Variants in IKBKB observed in about 807,000 individuals in gnomAD.
IKBKB encodes inhibitor of nuclear factor kappa B kinase subunit beta.
Under a neutral mutation model 113.6 loss-of-function variants are expected in IKBKB, and 42 were observed. The ratio of observed to expected loss-of-function variants is 0.37; its 90% CI spans 0.29 to 0.48. The LOEUF (loss-of-function observed/expected upper bound fraction) is 0.48. IKBKB is among the 20% of genes least tolerant of loss of function. The pLI, the probability that IKBKB is intolerant of heterozygous loss-of-function variation, is 0.99. For missense variants in IKBKB, 673 were observed against 939.7 expected, an observed-to-expected ratio of 0.72 and a Z score of 3.71; for synonymous variants, 296 against 361.3, an observed-to-expected ratio of 0.82 and a Z score of 2.05.
intron 2 of IKBKB, among the ~76,000 whole-genome samples, chr8:42,287,541 T>C (rs1811668619): frequency 6.6e-6 from 1 of 152,202 alleles, no homozygotes; most frequent in South Asian, 2.1e-4. Context: ...CGTCTGGCTG[T>C]AGTGTCGTGG....
rs397767670 is a variant in IKBKB at position 42,327,330 on chromosome 8, C to CTTTTT, written c.2114+1250_2114+1254dup. 1.8e-4 allele frequency among the ~76,000 whole-genome samples: 19 copies of CTTTTT among 105,402 alleles called. 1 individual carries two copies. The highest frequency in any genetic ancestry group is 3.5e-4 in the South Asian group (1 of 2,888). 69.1% of individuals were successfully genotyped at this position (105,402 alleles called of 152,430 possible). A position where few individuals can be genotyped will look rare whatever the true frequency, so the allele number is the denominator to read the frequency against. ...ATGGTGAGACTGTCTCTCTCTCTCT[C>CTTTTT]TTTTTTTTTTTTTTTTTTTTTGAGA... On this transcript the variant is annotated intron_variant, in intron 20 of 21. Transcript: ENST00000520810.
chr8:42,272,783 C>T lies in IKBKB; in HGVS notation c.105+578C>T, dbSNP rs190122542. 4.6e-5 allele frequency among the ~76,000 whole-genome samples: 7 copies of T among 151,750 alleles called. 1 individual carries two copies. The highest frequency in any genetic ancestry group is 1.7e-4 in the African/African-American group (7 of 41,382). ...TGAAACCCCATCTCTACTAAAAATACAAAGAATTAGCCAGGCTTGGTGGCA... is the reference window on the plus strand; with the variant it reads ...TGAAACCCCATCTCTACTAAAAATATAAAGAATTAGCCAGGCTTGGTGGCA... On this transcript the variant is annotated intron_variant, in intron 2 of 21. Transcript: ENST00000520810.
At chr8:42,324,640 G>A (rs1213906649) in intron 19 of IKBKB, 1 of 152,416 alleles carries the variant, frequency 6.6e-6, no homozygotes, top group Non-Finnish European at 1.5e-5. Context: ...TGAGTGTAGG[G>A]ATATGATCAC....
At chr8:42,290,793 C>A (rs188401919) in intron 4 of IKBKB, among the ~76,000 whole-genome samples, 43 of 152,284 alleles carry the variant, frequency 2.8e-4, no homozygotes, top group African/African-American at 6.3e-4. Context: ...ATCCACCTGA[C>A]CCACCTGGAC....
chr8:42,289,970 G>A (rs990139799), intron 3 of IKBKB, among the ~76,000 whole-genome samples, 186 bp from the exon 4 acceptor site: 1 of 152,202 alleles, frequency 6.6e-6, no homozygotes, highest in Non-Finnish European at 1.5e-5. Context: ...TTCTGGTGCT[G>A]TGAGTGGGGC....
intron 15 of IKBKB, 69 bp from the exon 16 acceptor site, chr8:42,320,666 C>A: frequency 7.7e-7 from 1 of 1,296,120 alleles, no homozygotes; most frequent in Non-Finnish European, 1.1e-6. Flanking sequence ...TGGTCTCGCT[C>A]CCCCGCAGAT....
chr8:42,309,336 C>G, intron 8 of IKBKB: 1 of 417,426 alleles, frequency 2.4e-6, no homozygotes, highest in South Asian at 2.4e-5. Flanking sequence ...CGCACTTACA[C>G]TGAGAATGCT....
Position 42,329,194 on chromosome 8 carries a change from G to A in IKBKB, c.2185G>A (p.Glu729Lys). 6.3e-7 allele frequency: 1 copy of A among 1,595,390 alleles called. No homozygotes were observed. The highest frequency in any genetic ancestry group is 8.5e-7 in the Non-Finnish European group (1 of 1,173,344). The change falls in exon 21 of 22, where the codon GAA (glutamate) becomes AAA (lysine). Residue 729 changes from glutamate to lysine, a missense_variant. Around this residue, in one of 2 missense-constraint regions of IKBKB, gnomAD observed 506 missense variants for 638.7 expected, o/e 0.79. Coordinates refer to ENST00000520810, the MANE Select transcript of IKBKB (RefSeq NM_001556.3). ...AAATGCCATACAGGACACTGTGAGG[G>A]AACAAGACCAGAGTTTCACGGTAAC... is the stretch of plus-strand genomic sequence containing the variant. Reference protein sequence around the residue: ...LENAIQDTVREQDQSFTALDW... With the variant: ...LENAIQDTVRKQDQSFTALDW...
rs576143410 is a variant in IKBKB, at chr8:42,321,796, C to G, written c.1689-100C>G. On this transcript the variant is annotated intron_variant, in intron 16 of 21. Transcript: ENST00000520810. ...GCTTGTGAGCCCAGAAGTTCGAGAC[C>G]AGCCTGGGCAACATGGTGAAACTCT... 1.1e-5 allele frequency: 9 copies of G among 802,086 alleles called. No individual in the cohort carries two copies. In the East Asian group the frequency reaches 2.4e-4, roughly 21 times the overall value. The allele number at this position is 802,086 out of a possible 1,614,324, so 49.7% of individuals were successfully genotyped here.
chr8:42,285,555 TA>T (rs1811257146), intron 2 of IKBKB, among the ~76,000 whole-genome samples: 1 of 152,110 alleles, frequency 6.6e-6, no homozygotes, highest in Admixed American at 6.5e-5. Flanking sequence ...ACCCTGTCTC[TA>T]AAAAGAAAAA....
rs200336151 is a variant in IKBKB at position 42,272,079 on chromosome 8, A to G, written c.-18-4A>G. 1,463 of 1,611,252 alleles carry G rather than the reference A, an allele frequency of 9.1e-4. 1 individual carries two copies. Among genetic ancestry groups the G allele is most frequent in the Non-Finnish European group, 1.1e-3 (1,327 of 1,178,474 alleles). ...CTTTTTTCCCCATCCCAAATTGCTT[A>G]TAGAGTTAGCACGACATCAGTATGA... On this transcript the variant is annotated splice_region_variant and splice_polypyrimidine_tract_variant and intron_variant, in intron 1 of 21. Coordinates refer to ENST00000520810, the MANE Select transcript of IKBKB (RefSeq NM_001556.3).
At chr8:42,290,123 T>C (rs1812292197) in intron 3 of IKBKB, 33 bp from the exon 4 acceptor site, 3 of 1,500,468 alleles carry the variant, frequency 2.0e-6, no homozygotes, top group Non-Finnish European at 2.8e-6. Context: ...GGCAGGAGCC[T>C]GGGTCTGCTC....
intron 13 of IKBKB, 64 bp from the exon 14 acceptor site, chr8:42,319,206 T>C (rs1213875680): frequency 1.1e-5 from 16 of 1,483,504 alleles, no homozygotes; most frequent in African/African-American, 2.8e-5. Context: ...GGTTTTGTTA[T>C]TGTACAGGAA....
At position 42,331,144 on chromosome 8, in the gene IKBKB, G is replaced by A. The variant is rs976221260; in HGVS notation, c.*165G>A. 10 of 1,024,720 alleles carry A rather than the reference G, an allele frequency of 9.8e-6. No homozygotes were observed. The highest frequency in any genetic ancestry group is 1.2e-5 in the Non-Finnish European group (8 of 683,064). 63.5% of individuals were successfully genotyped at this position (1,024,720 alleles called of 1,614,324 possible). A position where few individuals can be genotyped will look rare whatever the true frequency, so the allele number is the denominator to read the frequency against. On this transcript the variant is annotated 3_prime_UTR_variant, in exon 22 of 22. Coordinates refer to ENST00000520810, the MANE Select transcript of IKBKB (RefSeq NM_001556.3). ...TTCCTGCTGCACTGATGGCCCAGGGGTCTCTGGTATCCAGATGGAGCTCTC... is the reference window on the plus strand; with the variant it reads ...TTCCTGCTGCACTGATGGCCCAGGGATCTCTGGTATCCAGATGGAGCTCTC...
chr8:42,324,419 C>T (rs1271560120), intron 19 of IKBKB, among the ~76,000 whole-genome samples: 2 of 152,128 alleles, frequency 1.3e-5, no homozygotes, highest in South Asian at 2.1e-4. Flanking sequence ...CTCATGCCCC[C>T]ACACCTGGCT....
intron 2 of IKBKB, among the ~76,000 whole-genome samples, chr8:42,287,875 T>G (rs1811733803): frequency 6.6e-6 from 1 of 152,170 alleles, no homozygotes; most frequent in Admixed American, 6.5e-5. Context: ...AGACACTCAA[T>G]GTGGTGTTCA....
chr8:42,331,826 C>G lies in IKBKB; in HGVS notation c.*847C>G, dbSNP rs1415160638. On this transcript the variant is annotated 3_prime_UTR_variant, in exon 22 of 22. Transcript: ENST00000520810. Reference sequence around the variant, plus strand: ...GCCTACCCATGCCCATGTCTCCATTCCTGCTCAAGCGTGTGTGCTGGGCCG... The same window carrying G: ...GCCTACCCATGCCCATGTCTCCATTGCTGCTCAAGCGTGTGTGCTGGGCCG... 1 of 259,232 alleles carries G rather than the reference C, an allele frequency of 3.9e-6. No homozygotes were observed. Among genetic ancestry groups the G allele is most frequent in the Non-Finnish European group, 7.6e-6 (1 of 131,864 alleles). The allele number at this position is 259,232 out of a possible 1,614,324, so 16.1% of individuals were successfully genotyped here.
intron 20 of IKBKB, 40 bp downstream of exon 20, chr8:42,326,137 G>A (rs1200035153): frequency 1.2e-6 from 2 of 1,611,906 alleles, no homozygotes; most frequent in Non-Finnish European, 1.7e-6. Flanking sequence ...ACCATCAAGG[G>A]CACGTCAGGA....
intron 2 of IKBKB, among the ~76,000 whole-genome samples, chr8:42,275,293 T>A (rs1471062061): frequency 6.6e-6 from 1 of 151,462 alleles, no homozygotes; most frequent in Non-Finnish European, 1.5e-5. Flanking sequence ...GCTCAAATGA[T>A]CCTTCTGCCT....
Sources: gnomAD v4.1 joint callset for allele counts (sites outside exome capture counted in the v4.1 genomes callset) on GRCh38, gnomAD v4.1.1 for gene constraint, gnomAD v4.1.1 regional missense constraint, MANE v1.5 for transcripts, NCBI Gene and HGNC (gene_info 2026-07-23, HGNC 2026-07-21) for gene names.